Variants in PPM1B observed in about 807,000 individuals in gnomAD.
The protein encoded by PPM1B is protein phosphatase 1B.
PPM1B carries 22 observed loss-of-function variants against 43.0 expected under a neutral mutation model. The observed-to-expected ratio is 0.51, with a 90% CI of 0.37 to 0.73. PPM1B has a LOEUF of 0.73. Among genes scored for constraint, PPM1B ranks in the 30% least tolerant of loss-of-function variants. The pLI is 0.00. For synonymous variants in PPM1B, 217 were observed against 197.9 expected, an observed-to-expected ratio of 1.10 and a Z score of -0.81; for missense variants, 632 against 584.2, an observed-to-expected ratio of 1.08 and a Z score of -0.84.
Position 44,231,216 on chromosome 2 carries a change from G to C in PPM1B, c.*498G>C, listed in dbSNP as rs1670457200. ...TTTCAAGGATGATAATTTGTGTGTTGTTTGATTTGTTTATATTTTACATCT... is the reference window on the plus strand; with the variant it reads ...TTTCAAGGATGATAATTTGTGTGTTCTTTGATTTGTTTATATTTTACATCT... On this transcript the variant is annotated 3_prime_UTR_variant, in exon 6 of 6. Transcript: ENST00000282412. 4 of 983,750 alleles carry C rather than the reference G, an allele frequency of 4.1e-6. No homozygotes were observed. Among genetic ancestry groups the C allele is most frequent in the Admixed American group, 6.2e-5 (1 of 16,242 alleles). 60.9% of individuals were successfully genotyped at this position (983,750 alleles called of 1,614,324 possible).
At chr2:44,212,389 C>G (rs1669513595) in intron 3 of PPM1B, among the ~76,000 whole-genome samples, 1 of 152,166 alleles carries the variant, frequency 6.6e-6, no homozygotes, top group African/African-American at 2.4e-5. Context: ...CCAGTTCACC[C>G]TATAGCCATC....
In PPM1B at chr2:44,240,112, A is replaced by G. The variant is rs539958100; in HGVS notation, n.1547-4116A>G. ...AGCATCGAACTCCTGTCCTCAAGCA[A>G]TCCTCCTGCCTCGGCCTCCCAAAGT... On this transcript the variant is annotated intron_variant and non_coding_transcript_variant, in intron 5 of 5. Transcript: ENST00000378540. 2.8e-5 allele frequency among the ~76,000 whole-genome samples: 4 copies of G among 145,252 alleles called. 1 individual carries two copies. In the South Asian group the frequency reaches 7.1e-4, roughly 26 times the overall value.
downstream of PPM1B, chr2:44,233,129 T>C: frequency 3.1e-6 from 3 of 978,546 alleles, no homozygotes; most frequent in Non-Finnish European, 3.6e-6. Flanking sequence ...ATAATGTAAA[T>C]TGTGATTTTT....
chr2:44,246,196 C>G (rs1481204349), downstream of PPM1B, among the ~76,000 whole-genome samples: 1 of 152,130 alleles, frequency 6.6e-6, no homozygotes, highest in East Asian at 1.9e-4. Context: ...GAACTGTCTC[C>G]TCCTTTATTC....
chr2:44,212,101 T>C (rs1470419214), intron 3 of PPM1B, among the ~76,000 whole-genome samples: 1 of 152,170 alleles, frequency 6.6e-6, no homozygotes, highest in Non-Finnish European at 1.5e-5. Flanking sequence ...AAAATGTTCT[T>C]TTCTGCCTGT....
At chr2:44,183,252 C>T (rs1319667122) in intron 1 of PPM1B, among the ~76,000 whole-genome samples, 4 of 152,216 alleles carry the variant, frequency 2.6e-5, no homozygotes, top group Admixed American at 6.5e-5. Context: ...CCACCACTAC[C>T]ATCTTAGACT....
At chr2:44,245,131 C>A (rs1166505854), downstream of PPM1B, among the ~76,000 whole-genome samples, 1 of 152,146 alleles carries the variant, frequency 6.6e-6, no homozygotes, top group Non-Finnish European at 1.5e-5. Flanking sequence ...CACACAGCTG[C>A]TTGCCCATTT....
intron 1 of PPM1B, among the ~76,000 whole-genome samples, chr2:44,199,324 T>TA (rs796771747): frequency 0.01 from 766 of 74,668 alleles, 12 homozygotes; most frequent in African/African-American, 0.033. Context: ...AAAATAAAAA[T>TA]AAAAAAAAAA....
chr2:44,174,776 C>T (rs973824223), intron 1 of PPM1B, among the ~76,000 whole-genome samples: 1 of 152,164 alleles, frequency 6.6e-6, no homozygotes, highest in African/African-American at 2.4e-5. Context: ...CAAGAGCACT[C>T]CTCGCATTGA....
chr2:44,175,546 C>A (rs1667541986), intron 1 of PPM1B, among the ~76,000 whole-genome samples: 1 of 152,180 alleles, frequency 6.6e-6, no homozygotes, highest in African/African-American at 2.4e-5. Context: ...ATCTTGCATT[C>A]TGTTAACCAG....
chr2:44,236,512 G>A (rs1670628626), downstream of PPM1B, among the ~76,000 whole-genome samples: 2 of 151,318 alleles, frequency 1.3e-5, no homozygotes, highest in Non-Finnish European at 2.9e-5. Context: ...GCTTTAAAAT[G>A]GTTTTTAATA....
chr2:44,180,614 C>G (rs1667828347), intron 1 of PPM1B, among the ~76,000 whole-genome samples: 1 of 151,682 alleles, frequency 6.6e-6, no homozygotes, highest in East Asian at 1.9e-4. Flanking sequence ...TTTTAAATTA[C>G]TTTTGTTTTT....
intron 5 of PPM1B, among the ~76,000 whole-genome samples, chr2:44,221,513 C>T (rs183156114): frequency 2.0e-5 from 3 of 151,946 alleles, no homozygotes; most frequent in African/African-American, 4.8e-5. Flanking sequence ...TGTTAACTTG[C>T]GGGGTGGGAA....
chr2:44,209,111 G>T lies in PPM1B; in HGVS notation c.847-99G>T, dbSNP rs1463116107. The stretch of plus-strand genomic sequence containing the variant: ...TGAATGTGTTAAACATAAACGTTCT[G>T]GATGATTAAATAAACTATAATTGCT... On this transcript the variant is annotated intron_variant, in intron 2 of 5. Transcript: ENST00000282412. 1.5e-5 allele frequency: 16 copies of T among 1,084,908 alleles called. No homozygotes were observed. The East Asian group carries it at 4.3e-4, about 29-fold the overall frequency. The allele number at this position is 1,084,908 out of a possible 1,614,324, so 67.2% of individuals were successfully genotyped here. A position where few individuals can be genotyped will look rare whatever the true frequency, so the allele number is the denominator to read the frequency against.
intron 5 of PPM1B, among the ~76,000 whole-genome samples, chr2:44,220,463 T>C (rs989730122): frequency 2.0e-5 from 3 of 152,106 alleles, no homozygotes; most frequent in Admixed American, 6.5e-5. Flanking sequence ...ATGCTCAATA[T>C]ATAAACCTTA....
At chr2:44,187,939 A>G (rs888650067) in intron 1 of PPM1B, among the ~76,000 whole-genome samples, 2 of 151,904 alleles carry the variant, frequency 1.3e-5, no homozygotes, top group Non-Finnish European at 2.9e-5. Flanking sequence ...TTTATTAGAG[A>G]CGGGGTTTCA....
chr2:44,184,328 T>C (rs1420074224), intron 1 of PPM1B, among the ~76,000 whole-genome samples: 3 of 152,202 alleles, frequency 2.0e-5, no homozygotes, highest in African/African-American at 4.8e-5. Flanking sequence ...TTTTTCTTTG[T>C]TGTCAGGGGT....
At chr2:44,234,230 C>A (rs563772890), downstream of PPM1B, 254 of 979,702 alleles carry the variant, frequency 2.6e-4, no homozygotes, top group Non-Finnish European at 3.0e-4. Context: ...TTTAAAAAAA[C>A]CTGCCTTTGG....
chr2:44,243,328 A>T (rs1670790762), intron 5 of PPM1B, among the ~76,000 whole-genome samples: 1 of 152,242 alleles, frequency 6.6e-6, no homozygotes, highest in Non-Finnish European at 1.5e-5. Context: ...GAAAATTTAC[A>T]TACAGTAAAC....
Sources: gnomAD v4.1 joint callset for allele counts (sites outside exome capture counted in the v4.1 genomes callset) on GRCh38, gnomAD v4.1.1 for gene constraint, MANE v1.5 for transcripts, NCBI Gene and HGNC (gene_info 2026-07-23, HGNC 2026-07-21) for gene names.